Variants in DGLUCY observed in about 807,000 individuals in gnomAD.
DGLUCY encodes the protein D-glutamate cyclase, mitochondrial.
In DGLUCY, 58 loss-of-function variants were observed where a neutral mutation model predicts 58.5. The ratio of observed to expected loss-of-function variants is 0.99; its 90% CI spans 0.80 to 1.23. The LOEUF (loss-of-function observed/expected upper bound fraction) is 1.23. Ranked by LOEUF, DGLUCY falls within the 50% of genes most tolerant of loss-of-function variation. The pLI, the probability that DGLUCY is intolerant of heterozygous loss-of-function variation, is 0.00. For synonymous variants in DGLUCY, 325 were observed against 314.1 expected (o/e 1.03, Z -0.37); for missense variants, 779 against 784.7 (o/e 0.99, Z 0.09).
chr14:91,137,784 A>G (rs2140236526), intron 1 of DGLUCY, among the ~76,000 whole-genome samples: 1 of 152,112 alleles, frequency 6.6e-6, no homozygotes, highest in South Asian at 2.1e-4. Context: ...TTTGAGAGAG[A>G]GGGTTTCTAG....
intron 1 of DGLUCY, among the ~76,000 whole-genome samples, chr14:91,127,221 T>C (rs1051468401): frequency 9.9e-5 from 15 of 151,890 alleles, no homozygotes; most frequent in Non-Finnish European, 1.9e-4. Context: ...CATGCCTGGG[T>C]ATTTTTTAAA....
chr14:91,157,251 ATGGATGAATGAATGGG>A, intron 1 of DGLUCY, among the ~76,000 whole-genome samples: 5 of 109,618 alleles, frequency 4.6e-5, no homozygotes, highest in Non-Finnish European at 7.5e-5. Context: ...GGATGGATGG[ATGGATGAATGAATGGG>A]TGGATGGATG....
chr14:91,096,136 T>C (rs914209525), intron 1 of DGLUCY, among the ~76,000 whole-genome samples: 1 of 152,092 alleles, frequency 6.6e-6, no homozygotes, highest in Non-Finnish European at 1.5e-5. Flanking sequence ...AAGTGGCCAA[T>C]TGAACCAGTA....
At chr14:91,195,588 G>A (rs963499913) in intron 9 of DGLUCY, among the ~76,000 whole-genome samples, 1 of 151,766 alleles carries the variant, frequency 6.6e-6, no homozygotes, top group African/African-American at 2.4e-5. Context: ...TATATACATG[G>A]CCTTGCCCAA....
At chr14:91,072,086 G>A (rs1362049841) in intron 1 of DGLUCY, among the ~76,000 whole-genome samples, 1 of 152,064 alleles carries the variant, frequency 6.6e-6, no homozygotes, top group Non-Finnish European at 1.5e-5. Context: ...ACTTTAGGAG[G>A]CCCAGGCAGG....
chr14:91,202,569 G>A (rs1463253570), intron 11 of DGLUCY, among the ~76,000 whole-genome samples: 1 of 152,170 alleles, frequency 6.6e-6, no homozygotes, highest in Non-Finnish European at 1.5e-5. Context: ...CTTCCTGTTG[G>A]CTTCCAGCTT....
chr14:91,110,181 T>G (rs1011095376), upstream of DGLUCY, among the ~76,000 whole-genome samples: 2 of 152,238 alleles, frequency 1.3e-5, no homozygotes, highest in African/African-American at 4.8e-5. Context: ...AATATTGTAA[T>G]ATTTCTCTTC....
At chr14:91,171,498 C>T (rs1169200518) in intron 5 of DGLUCY, among the ~76,000 whole-genome samples, 1 of 152,234 alleles carries the variant, frequency 6.6e-6, no homozygotes, top group Non-Finnish European at 1.5e-5. Flanking sequence ...TGGCCACCCC[C>T]AGACGGGATG....
chr14:91,075,102 T>A (rs1336891109), intron 1 of DGLUCY, among the ~76,000 whole-genome samples: 1 of 152,092 alleles, frequency 6.6e-6, no homozygotes, highest in Non-Finnish European at 1.5e-5. Context: ...GAATTGCTCT[T>A]CTTTTTATCG....
At chr14:91,064,036 G>A (rs1394614101) in intron 1 of DGLUCY, among the ~76,000 whole-genome samples, 5 of 152,216 alleles carry the variant, frequency 3.3e-5, no homozygotes, top group Non-Finnish European at 7.3e-5. Context: ...GAACTTGAAG[G>A]ATTAGACTTG....
intron 8 of DGLUCY, among the ~76,000 whole-genome samples, chr14:91,187,006 CT>C (rs34930812): frequency 0.99 from 147,887 of 148,996 alleles, 73,400 homozygotes; most frequent in Non-Finnish European, 1. Context: ...TCTTCTTCTT[CT>C]TTTTTTTTTT....
upstream of DGLUCY, among the ~76,000 whole-genome samples, chr14:91,104,135 T>C (rs2044545508): frequency 6.8e-6 from 1 of 146,472 alleles, no homozygotes; most frequent in Non-Finnish European, 1.5e-5. Flanking sequence ...CGATCTCGGC[T>C]CACTGCAAGC....
chr14:91,122,459 AAAAG>A (rs963553633), intron 1 of DGLUCY, among the ~76,000 whole-genome samples: 46 of 152,188 alleles, frequency 3.0e-4, no homozygotes, highest in African/African-American at 1.0e-3. Flanking sequence ...TTAAAAGAAA[AAAAG>A]AAAGATTTTT....
chr14:91,075,863 A>G (rs1367941658), intron 1 of DGLUCY, among the ~76,000 whole-genome samples: 3 of 152,216 alleles, frequency 2.0e-5, no homozygotes, highest in Non-Finnish European at 4.4e-5. Flanking sequence ...CTGTAATCCC[A>G]ACACTTTGGG....
chr14:91,084,906 G>T (rs1218126143), intron 1 of DGLUCY, among the ~76,000 whole-genome samples: 2 of 152,172 alleles, frequency 1.3e-5, no homozygotes, highest in Non-Finnish European at 2.9e-5. Flanking sequence ...TATCAAGGGA[G>T]GGTGGTGGTG....
chr14:91,100,556 A>G (rs1348682369), intron 1 of DGLUCY, among the ~76,000 whole-genome samples: 2 of 152,176 alleles, frequency 1.3e-5, no homozygotes, highest in East Asian at 3.8e-4. Context: ...TTTACAGGTG[A>G]GCATTGACAT....
At chr14:91,187,764 G>T (rs1006713169) in intron 8 of DGLUCY, among the ~76,000 whole-genome samples, 1 of 152,150 alleles carries the variant, frequency 6.6e-6, no homozygotes, top group Non-Finnish European at 1.5e-5. Context: ...GTCCTCCGAG[G>T]ACCCCACAGT....
chr14:91,218,377 C>T (rs946149413), intron 13 of DGLUCY, among the ~76,000 whole-genome samples: 2 of 150,512 alleles, frequency 1.3e-5, no homozygotes, highest in African/African-American at 4.9e-5. Context: ...AATAATGTAC[C>T]ACCCTTATAA....
At chr14:91,068,115 A>ACCC (rs1555387717) in intron 1 of DGLUCY, among the ~76,000 whole-genome samples, 1 of 140,154 alleles carries the variant, frequency 7.1e-6, no homozygotes, top group Non-Finnish European at 1.5e-5. Flanking sequence ...ACACACACAC[A>ACCC]CCCCTTGCAT....
Sources: gnomAD v4.1 joint callset for allele counts (sites outside exome capture counted in the v4.1 genomes callset) on GRCh38, gnomAD v4.1.1 for gene constraint, MANE v1.5 for transcripts, NCBI Gene and HGNC (gene_info 2026-07-23, HGNC 2026-07-21) for gene names.